The following PLD5 variants were observed in gnomAD, a reference collection of about 807,000 sequenced individuals.
The protein encoded by PLD5 is inactive phospholipase D5.
Under a neutral mutation model 61.1 loss-of-function variants are expected in PLD5, and 36 were observed. The observed-to-expected ratio is 0.59, with a 90% confidence interval of 0.45 to 0.78. The LOEUF is 0.78. Among genes scored for constraint, PLD5 ranks in the 30% least tolerant of loss-of-function variants. The pLI is 0.00. For synonymous variants in PLD5, 243 were observed against 242.8 expected (o/e 1.00, Z -0.01); for missense variants, 515 against 644.4 (o/e 0.80, Z 2.17).
intron 1 of PLD5, among the ~76,000 whole-genome samples, chr1:242,477,470 G>A (rs539988221): frequency 1.3e-5 from 2 of 152,328 alleles, no homozygotes; most frequent in African/African-American, 4.8e-5. Context: ...CTCTACAGCA[G>A]AGGAATAATT....
At chr1:242,210,479 C>T (rs1023917980) in intron 5 of PLD5, 1 of 155,260 alleles carries the variant, frequency 6.4e-6, no homozygotes, top group Non-Finnish European at 1.4e-5. Context: ...AATGGCTGGT[C>T]CTTGCCTTAA....
intron 1 of PLD5, among the ~76,000 whole-genome samples, chr1:242,410,053 T>G (rs1664463075): frequency 6.6e-6 from 1 of 151,308 alleles, no homozygotes; most frequent in South Asian, 2.1e-4. Context: ...TAAAATAATG[T>G]CTTAATAACT....
rs147011306 is a variant in PLD5, at chr1:242,163,147, C to CTTTTTTTTTT, written c.736-38483_736-38482insAAAAAAAAAA. 1.1e-4 allele frequency among the ~76,000 whole-genome samples: 16 copies of CTTTTTTTTTT among 142,002 alleles called. 2 individuals are homozygous for CTTTTTTTTTT. The highest frequency in any genetic ancestry group is 1.7e-4 in the Non-Finnish European group (11 of 65,922). The allele number at this position is 142,002 out of a possible 152,430, so 93.2% of individuals were successfully genotyped here. On this transcript the variant is annotated intron_variant, in intron 5 of 9. Coordinates refer to ENST00000536534, the MANE Select transcript of PLD5 (RefSeq NM_001372062.1). ...CAAGTCTTTTATTTTCTTTTCTTTT[C>CTTTTTTTTTT]TTTCTTTTCTTGAGACGACGGAGTC...
chr1:242,134,786 T>C (rs1187422340), intron 5 of PLD5, among the ~76,000 whole-genome samples: 1 of 152,200 alleles, frequency 6.6e-6, no homozygotes, highest in Non-Finnish European at 1.5e-5. Flanking sequence ...AGGGCAAGTC[T>C]AGCTTTTTGA....
intron 1 of PLD5, among the ~76,000 whole-genome samples, chr1:242,471,938 A>T (rs1006575893): frequency 4.6e-5 from 7 of 152,224 alleles, no homozygotes; most frequent in Non-Finnish European, 8.8e-5. Context: ...AGTGATAGAA[A>T]CTTGCTGAAA....
At chr1:242,262,557 G>A (rs1368705746) in intron 4 of PLD5, among the ~76,000 whole-genome samples, 3 of 152,280 alleles carry the variant, frequency 2.0e-5, no homozygotes, top group East Asian at 3.9e-4. Context: ...AGATCAGATG[G>A]TGAAAGAGGA....
At chr1:242,416,749 A>G (rs1240025447) in intron 1 of PLD5, among the ~76,000 whole-genome samples, 1 of 152,236 alleles carries the variant, frequency 6.6e-6, no homozygotes, top group African/African-American at 2.4e-5. Context: ...GAAAGCAAAA[A>G]TTCCTATTTG....
At chr1:242,463,722 C>T (rs1667190415) in intron 1 of PLD5, among the ~76,000 whole-genome samples, 1 of 151,944 alleles carries the variant, frequency 6.6e-6, no homozygotes. Flanking sequence ...CGTATCCCAT[C>T]CTCGTGTACA....
At chr1:242,247,046 C>T (rs561528923) in intron 4 of PLD5, among the ~76,000 whole-genome samples, 9 of 148,570 alleles carry the variant, frequency 6.1e-5, no homozygotes, top group Admixed American at 2.7e-4. Context: ...TGCAGTGGCG[C>T]GATCTCGACT....
At chr1:242,306,226 A>G (rs992696498) in intron 2 of PLD5, among the ~76,000 whole-genome samples, 2 of 148,724 alleles carry the variant, frequency 1.3e-5, no homozygotes, top group Admixed American at 6.8e-5. Context: ...GTCAGGGCTG[A>G]GACTGAATTC....
intron 2 of PLD5, among the ~76,000 whole-genome samples, chr1:242,301,765 C>CTATTATTATTATTATTATT (rs113800799): frequency 7.1e-6 from 1 of 141,034 alleles, no homozygotes; most frequent in African/African-American, 2.7e-5. Flanking sequence ...TTTTTTAAAA[C>CTATTATTATTATTATTATT]ATTATTATTA....
At chr1:242,308,369 G>A (rs935649861) in intron 2 of PLD5, among the ~76,000 whole-genome samples, 4 of 152,112 alleles carry the variant, frequency 2.6e-5, no homozygotes, top group South Asian at 2.1e-4. Context: ...AAACCAGGCC[G>A]AAGTCTGTCT....
In PLD5 at chr1:242,089,890, T is replaced by C; in HGVS notation, c.1575A>G (p.Thr525=). 1 of 1,614,238 alleles carries C rather than the reference T, an allele frequency of 6.2e-7. No homozygotes were observed. The highest frequency in any genetic ancestry group is 1.3e-5 in the African/African-American group (1 of 75,064). Residue 525 remains threonine (T), a synonymous_variant, in exon 10 of 10, where the codon ACA becomes ACG. Transcript: ENST00000536534. ...KLKPLSNKTA[T]DDTGGKDPRN... ...GGGGATCCTTTCCGCCTGTGTCGTC[T>C]GTGGCAGTTTTGTTGGAGAGGGGTT... is the stretch of plus-strand genomic sequence containing the variant.
At position 242,393,235 on chromosome 1, in the gene PLD5, TGTGTATATATATG is replaced by T. The variant is rs1663048898; in HGVS notation, c.190-45006_190-44994del. Among the ~76,000 whole-genome samples, 2 of 76,218 alleles carry T rather than the reference TGTGTATATATATG, an allele frequency of 2.6e-5. 1 individual carries two copies. Among genetic ancestry groups the T allele is most frequent in the Admixed American group, 3.9e-4 (2 of 5,180 alleles). 50.0% of individuals were successfully genotyped at this position (76,218 alleles called of 152,430 possible). A position where few individuals can be genotyped will look rare whatever the true frequency, so the allele number is the denominator to read the frequency against. On this transcript the variant is annotated intron_variant, in intron 1 of 9. Coordinates refer to ENST00000536534, the MANE Select transcript of PLD5 (RefSeq NM_001372062.1). ...ATATATATATATATGAGTATATATATGTGTATATATATGAGTATATATATGTGTATATATATGA... is the reference window on the plus strand; with the variant it reads ...ATATATATATATATGAGTATATATATAGTATATATATGTGTATATATATGA...
chr1:242,358,741 C>T (rs1328107747), intron 1 of PLD5, among the ~76,000 whole-genome samples: 1 of 152,240 alleles, frequency 6.6e-6, no homozygotes, highest in African/African-American at 2.4e-5. Context: ...AAACGCTATA[C>T]TCAGTATATT....
intron 5 of PLD5, among the ~76,000 whole-genome samples, chr1:242,206,384 T>C (rs1669312896): frequency 6.6e-6 from 1 of 152,362 alleles, no homozygotes; most frequent in Non-Finnish European, 1.5e-5. Flanking sequence ...AGTCATCATC[T>C]GTATTAGTCA....
rs893932200 is a variant in PLD5, at chr1:242,309,393, T to C, written c.327-20863A>G. Among the ~76,000 whole-genome samples, 13 of 151,228 alleles carry C rather than the reference T, an allele frequency of 8.6e-5. 1 individual carries two copies. The South Asian group carries it at 1.5e-3, about 17-fold the overall frequency. ...TGTAGACTAAGTTTTCTTTTCTTTTTTTTTTTTTTTTTAAGATGGAGTCTC... is the reference window on the plus strand; with the variant it reads ...TGTAGACTAAGTTTTCTTTTCTTTTCTTTTTTTTTTTTAAGATGGAGTCTC... On this transcript the variant is annotated intron_variant, in intron 2 of 9. Transcript: ENST00000536534.
intron 2 of PLD5, among the ~76,000 whole-genome samples, chr1:242,319,165 A>G (rs1658222311): frequency 6.6e-6 from 1 of 152,108 alleles, no homozygotes; most frequent in African/African-American, 2.4e-5. Flanking sequence ...TAACCTGAAG[A>G]CAATACTGAA....
intron 5 of PLD5, among the ~76,000 whole-genome samples, chr1:242,138,897 C>T (rs576940874): frequency 6.6e-6 from 1 of 152,326 alleles, no homozygotes; most frequent in South Asian, 2.1e-4. Context: ...TGTGTAAGAA[C>T]TAAATGGTTT....
Sources: gnomAD v4.1 joint callset for allele counts (sites outside exome capture counted in the v4.1 genomes callset) on GRCh38, gnomAD v4.1.1 for gene constraint, MANE v1.5 for transcripts, NCBI Gene and HGNC (gene_info 2026-07-23, HGNC 2026-07-21) for gene names.